MGAT4C: variants seen among roughly 807,000 people sequenced by gnomAD.
MGAT4C encodes MGAT4 family member C, also known as alpha-1,3-mannosyl-glycoprotein 4-beta-N-acetylglucosaminyltransferase C.
Under a neutral mutation model 40.1 loss-of-function variants are expected in MGAT4C, and 19 were observed. That is an observed-to-expected ratio of 0.47 (90% CI 0.33 to 0.70). The LOEUF (loss-of-function observed/expected upper bound fraction) is 0.70. Among genes scored for constraint, MGAT4C ranks in the 30% least tolerant of loss-of-function variants. The pLI is 0.02. For missense variants in MGAT4C, 491 were observed against 563.2 expected (o/e 0.87, Z 1.30); for synonymous variants, 181 against 187.1 (o/e 0.97, Z 0.27).
intron 3 of MGAT4C, among the ~76,000 whole-genome samples, chr12:86,351,407 T>C (rs17289115): frequency 0.092 from 13,950 of 152,000 alleles, 799 homozygotes; most frequent in Middle Eastern, 0.23. Context: ...TCAAGAACAA[T>C]GAAACTTGCC....
At chr12:86,301,818 G>C (rs1953819268) in intron 4 of MGAT4C, among the ~76,000 whole-genome samples, 1 of 152,032 alleles carries the variant, frequency 6.6e-6, no homozygotes, top group African/African-American at 2.4e-5. Context: ...ATCCTAAATT[G>C]CTACGTGCAC....
chr12:86,224,059 C>T (rs1223387498), intron 1 of MGAT4C, among the ~76,000 whole-genome samples: 4 of 152,222 alleles, frequency 2.6e-5, no homozygotes, highest in Non-Finnish European at 2.9e-5. Flanking sequence ...AGAATTGGCC[C>T]GTGTGTACCT....
chr12:86,363,099 C>T (rs887101880), intron 3 of MGAT4C, among the ~76,000 whole-genome samples: 3 of 151,924 alleles, frequency 2.0e-5, no homozygotes, highest in Non-Finnish European at 2.9e-5. Context: ...CAAAACTATA[C>T]CTATTTATCT....
At chr12:86,289,164 G>A (rs997771666) in intron 4 of MGAT4C, among the ~76,000 whole-genome samples, 2 of 152,122 alleles carry the variant, frequency 1.3e-5, no homozygotes, top group Non-Finnish European at 2.9e-5. Context: ...TGAACAGTAA[G>A]TCTTCTCTCC....
At chr12:86,271,048 G>A (rs1952933223) in intron 4 of MGAT4C, among the ~76,000 whole-genome samples, 1 of 151,918 alleles carries the variant, frequency 6.6e-6, no homozygotes, top group South Asian at 2.1e-4. Flanking sequence ...TATAAGACAA[G>A]AAAATACAAA....
intron 1 of MGAT4C, among the ~76,000 whole-genome samples, chr12:86,778,003 T>C (rs912733890): frequency 5.9e-5 from 9 of 152,162 alleles, no homozygotes; most frequent in Non-Finnish European, 1.2e-4. Flanking sequence ...CCTTTTTCTC[T>C]AGAAGTAAGG....
At chr12:86,218,566 T>A (rs1205297931) in intron 1 of MGAT4C, among the ~76,000 whole-genome samples, 2 of 152,176 alleles carry the variant, frequency 1.3e-5, no homozygotes, top group African/African-American at 4.8e-5. Flanking sequence ...GTATGGAGTG[T>A]TATTATTATG....
intron 1 of MGAT4C, among the ~76,000 whole-genome samples, chr12:86,117,363 A>C (rs779145809): frequency 3.3e-5 from 5 of 152,188 alleles, no homozygotes; most frequent in Non-Finnish European, 5.9e-5. Flanking sequence ...GGACAAGTGA[A>C]AATGTATTAT....
rs1358937651 is a variant in MGAT4C, at chr12:86,348,699, G to A, written c.-119-14572C>T. Among the ~76,000 whole-genome samples, 4 of 152,072 alleles carry A rather than the reference G, an allele frequency of 2.6e-5. No homozygotes were observed. The South Asian group carries it at 6.2e-4, about 24-fold the overall frequency. On this transcript the variant is annotated intron_variant, in intron 3 of 7. Transcript: ENST00000548651. The stretch of plus-strand genomic sequence containing the variant: ...TATGAATCTCATTCAATAGTACGTG[G>A]TTTTTTAGTTGTTTAATTTTTTTAA...
At chr12:86,587,761 G>C (rs1380833738) in intron 2 of MGAT4C, among the ~76,000 whole-genome samples, 1 of 151,016 alleles carries the variant, frequency 6.6e-6, no homozygotes, top group Non-Finnish European at 1.5e-5. Flanking sequence ...TCTCTTATTG[G>C]TGTATAAGAA....
At chr12:86,186,510 C>A (rs1888769919) in intron 1 of MGAT4C, among the ~76,000 whole-genome samples, 1 of 152,058 alleles carries the variant, frequency 6.6e-6, no homozygotes, top group Admixed American at 6.6e-5. Flanking sequence ...ACCAAGCATG[C>A]CAATTTACCA....
intron 3 of MGAT4C, among the ~76,000 whole-genome samples, chr12:86,412,736 G>A (rs1274899130): frequency 6.6e-6 from 1 of 152,102 alleles, no homozygotes; most frequent in Non-Finnish European, 1.5e-5. Flanking sequence ...ATTGTATTTT[G>A]CAATTTGAGA....
chr12:86,754,923 C>G (rs1015146938), intron 1 of MGAT4C, among the ~76,000 whole-genome samples: 5 of 151,956 alleles, frequency 3.3e-5, no homozygotes, highest in Non-Finnish European at 4.4e-5. Context: ...TTCAATCAGA[C>G]TTTAGTTTTT....
intron 1 of MGAT4C, among the ~76,000 whole-genome samples, chr12:86,069,616 A>G (rs1188105782): frequency 6.6e-6 from 1 of 152,164 alleles, no homozygotes; most frequent in Non-Finnish European, 1.5e-5. Flanking sequence ...CCAGTTCCCC[A>G]GGCCAATTAC....
At chr12:86,035,343 T>C (rs1338952443) in intron 2 of MGAT4C, among the ~76,000 whole-genome samples, 1 of 150,366 alleles carries the variant, frequency 6.7e-6, no homozygotes, top group Non-Finnish European at 1.5e-5. Context: ...ATGATGAACT[T>C]TTTTTCATGT....
intron 3 of MGAT4C, among the ~76,000 whole-genome samples, chr12:86,409,148 T>C (rs61949490): frequency 0.093 from 14,110 of 152,182 alleles, 892 homozygotes; most frequent in Middle Eastern, 0.24. Flanking sequence ...ATTTAGCTAC[T>C]TTATATCTAG....
At chr12:86,795,244 G>A (rs1487159792) in intron 1 of MGAT4C, among the ~76,000 whole-genome samples, 1 of 151,616 alleles carries the variant, frequency 6.6e-6, no homozygotes, top group Non-Finnish European at 1.5e-5. Flanking sequence ...AATAATAATG[G>A]AGAAATAACA....
At chr12:86,431,674 A>G (rs2136269570) in intron 3 of MGAT4C, among the ~76,000 whole-genome samples, 1 of 152,294 alleles carries the variant, frequency 6.6e-6, no homozygotes, top group East Asian at 1.9e-4. Flanking sequence ...CTGGCAACAC[A>G]GTATACTGTA....
chr12:86,069,238 A>G (rs1025125523), intron 1 of MGAT4C, among the ~76,000 whole-genome samples: 2 of 152,124 alleles, frequency 1.3e-5, no homozygotes, highest in Non-Finnish European at 2.9e-5. Context: ...TTTAATAAGT[A>G]TCTCCCCACA....
Sources: allele counts gnomAD v4.1 joint callset (sites outside exome capture counted in the v4.1 genomes callset), GRCh38; gene constraint gnomAD v4.1.1; transcripts MANE v1.5; gene names NCBI Gene and HGNC (gene_info 2026-07-23, HGNC 2026-07-21).